THADA: variants seen among roughly 807,000 people sequenced by gnomAD.
The protein encoded by THADA is tRNA (32-2'-O)-methyltransferase regulator THADA.
THADA carries 213 observed loss-of-function variants against 219.8 expected under a neutral mutation model. The observed-to-expected ratio is 0.97, with a 90% CI of 0.87 to 1.09. The LOEUF is 1.09. Among genes scored for constraint, THADA ranks in the 50% least tolerant of loss-of-function variants. The pLI, the probability that THADA is intolerant of heterozygous loss-of-function variation, is 0.00. For synonymous variants in THADA, 1,018 were observed against 828.9 expected, an observed-to-expected ratio of 1.23 and a Z score of -3.92; for missense variants, 2,956 against 2,311.3, an observed-to-expected ratio of 1.28 and a Z score of -5.72.
At chr2:43,462,075 G>C (rs1021773264) in intron 26 of THADA, among the ~76,000 whole-genome samples, 1 of 152,160 alleles carries the variant, frequency 6.6e-6, no homozygotes, top group African/African-American at 2.4e-5. Context: ...GAATCAAGGG[G>C]ATTTCGGGCT....
rs17031050 is a variant in THADA, at chr2:43,569,648, G to C, written c.2187+740C>G. ...CCAAGGGCATCCATAATAATGTTTA[G>C]AGTAAGTAGTGAGCATGTCATAGTT... On this transcript the variant is annotated intron_variant, in intron 14 of 37. Coordinates refer to ENST00000405975, the MANE Select transcript of THADA (RefSeq NM_022065.5). Among the ~76,000 whole-genome samples the C allele has an allele frequency of 3.3e-3, 503 of 152,266 alleles. 12 individuals carry two copies. The highest frequency in any genetic ancestry group is 6.6e-3 in the East Asian group (34 of 5,180).
intron 25 of THADA, among the ~76,000 whole-genome samples, 193 bp from the exon 26 acceptor site, chr2:43,485,518 C>A (rs1443967231): frequency 6.6e-6 from 1 of 152,074 alleles, no homozygotes; most frequent in African/African-American, 2.4e-5. Flanking sequence ...CAATTGAGCT[C>A]TACAACCCAA....
At chr2:43,366,581 A>C (rs1035304880) in intron 29 of THADA, among the ~76,000 whole-genome samples, 5 of 152,218 alleles carry the variant, frequency 3.3e-5, no homozygotes, top group Non-Finnish European at 7.3e-5. Context: ...ATAAATAGGA[A>C]AGCAAAAGTT....
chr2:43,442,496 C>T (rs1573668804), intron 26 of THADA, among the ~76,000 whole-genome samples: 1 of 152,066 alleles, frequency 6.6e-6, no homozygotes, highest in African/African-American at 2.4e-5. Context: ...ATTAGTAAGA[C>T]TGGATTAAAA....
intron 35 of THADA, among the ~76,000 whole-genome samples, chr2:43,280,195 T>C (rs1477453768): frequency 6.6e-6 from 1 of 152,198 alleles, no homozygotes; most frequent in African/African-American, 2.4e-5. Flanking sequence ...TCTGCCCTGC[T>C]CTCCTAGTTG....
chr2:43,566,381 AG>A (rs904346504), intron 15 of THADA: 62 of 632,710 alleles, frequency 9.8e-5, no homozygotes, highest in Middle Eastern at 5.8e-4. Flanking sequence ...TAAAACTTAA[AG>A]AACAGATTGG....
At chr2:43,578,481 A>G (rs774416400) in intron 9 of THADA, 32 bp downstream of exon 9, 3 of 1,535,716 alleles carry the variant, frequency 2.0e-6, no homozygotes, top group Non-Finnish European at 2.7e-6. Context: ...AACTCTCAAT[A>G]AAGTACAATT....
intron 28 of THADA, among the ~76,000 whole-genome samples, chr2:43,407,783 T>C (rs6716620): frequency 0.47 from 71,945 of 151,760 alleles, 17,448 homozygotes; most frequent in South Asian, 0.53. Context: ...TTTTAGTACT[T>C]AGATAAACCC....
chr2:43,552,502 C>T (rs554562339), intron 17 of THADA, among the ~76,000 whole-genome samples, 163 bp from the exon 18 acceptor site: 3 of 152,228 alleles, frequency 2.0e-5, no homozygotes, highest in African/African-American at 7.2e-5. Flanking sequence ...CAGGGTGGCT[C>T]ATTTCTAGGC....
At chr2:43,433,356 T>G (rs1679623099) in intron 26 of THADA, among the ~76,000 whole-genome samples, 1 of 151,946 alleles carries the variant, frequency 6.6e-6, no homozygotes, top group South Asian at 2.1e-4. Context: ...ACGGAGAAAC[T>G]GTCTCTACTA....
At chr2:43,416,669 C>T (rs189265457) in intron 28 of THADA, among the ~76,000 whole-genome samples, 4 of 152,198 alleles carry the variant, frequency 2.6e-5, no homozygotes. Context: ...TCTCATCCTC[C>T]GTGTACCCTC....
At chr2:43,501,420 C>G (rs1688965247) in intron 24 of THADA, among the ~76,000 whole-genome samples, 1 of 148,316 alleles carries the variant, frequency 6.7e-6, no homozygotes, top group Non-Finnish European at 1.5e-5. Context: ...AAGCCATGCT[C>G]ATGGAAGATT....
intron 31 of THADA, among the ~76,000 whole-genome samples, chr2:43,299,113 A>T (rs1675946350): frequency 6.6e-6 from 1 of 152,148 alleles, no homozygotes; most frequent in African/African-American, 2.4e-5. Flanking sequence ...GTATGTATGA[A>T]ACATAAATGA....
intron 22 of THADA, among the ~76,000 whole-genome samples, chr2:43,516,027 GCTCT>G (rs568094258): frequency 1.3e-5 from 2 of 151,986 alleles, no homozygotes; most frequent in African/African-American, 2.4e-5. Flanking sequence ...TTGTAGTTAT[GCTCT>G]CTCTCTCAAA....
chr2:43,274,154 G>A (rs577872120), intron 36 of THADA, among the ~76,000 whole-genome samples: 2 of 152,268 alleles, frequency 1.3e-5, no homozygotes, highest in African/African-American at 4.8e-5. Context: ...CATGGTCCCT[G>A]CAGCCCCAGG....
intron 31 of THADA, among the ~76,000 whole-genome samples, chr2:43,301,311 A>AG (rs1310897011): frequency 6.6e-6 from 1 of 152,250 alleles, no homozygotes; most frequent in Non-Finnish European, 1.5e-5. Flanking sequence ...ACACCAAAGG[A>AG]GAGAAAATAA....
intron 36 of THADA, among the ~76,000 whole-genome samples, chr2:43,238,926 T>G (rs1336543877): frequency 2.0e-5 from 3 of 151,894 alleles, no homozygotes; most frequent in African/African-American, 7.3e-5. Context: ...GACGTCAATG[T>G]GGGGAATAAA....
rs150719974 is a variant in THADA, at chr2:43,262,980, C to G, written c.5296+16785G>C. Among the ~76,000 whole-genome samples, 7 of 152,310 alleles carry G rather than the reference C, an allele frequency of 4.6e-5. No homozygotes were observed. The South Asian group carries it at 1.4e-3, about 32-fold the overall frequency. Reference sequence around the variant, plus strand: ...CAATCATCTCCCACTTTCCTCCTTACGCCTGTGATGGCTTCCATAGAGAGC... The same window carrying G: ...CAATCATCTCCCACTTTCCTCCTTAGGCCTGTGATGGCTTCCATAGAGAGC... On this transcript the variant is annotated intron_variant, in intron 36 of 37. Transcript: ENST00000405975.
intron 26 of THADA, among the ~76,000 whole-genome samples, chr2:43,475,791 C>T (rs182738342): frequency 5.9e-4 from 90 of 152,246 alleles, no homozygotes; most frequent in South Asian, 2.3e-3. Context: ...TATCTAGACA[C>T]TTGTACTACT....
Sources: allele counts gnomAD v4.1 joint callset (sites outside exome capture counted in the v4.1 genomes callset), GRCh38; gene constraint gnomAD v4.1.1; transcripts MANE v1.5; gene names NCBI Gene and HGNC (gene_info 2026-07-23, HGNC 2026-07-21).